ADCY2: variants seen among roughly 807,000 people sequenced by gnomAD.
ADCY2 encodes adenylate cyclase 2, also known as adenylate cyclase type 2.
A neutral mutation model predicts 125.2 loss-of-function variants in ADCY2; 31 were observed. The observed-to-expected ratio is 0.25, with a 90% CI of 0.19 to 0.33. The LOEUF (loss-of-function observed/expected upper bound fraction) is 0.33. Ranked by LOEUF, ADCY2 falls within the 10% of genes least tolerant of loss-of-function variation. ADCY2 has a pLI of 1.00. For missense variants in ADCY2, 904 were observed against 1,418.2 expected (o/e 0.64, Z 5.82); for synonymous variants, 512 against 548.4 (o/e 0.93, Z 0.93).
intron 3 of ADCY2, among the ~76,000 whole-genome samples, chr5:7,611,594 G>A (rs1247537620): frequency 6.6e-6 from 1 of 152,014 alleles, no homozygotes; most frequent in African/African-American, 2.4e-5. Flanking sequence ...TTTATTTCTG[G>A]CTTGTAATAC....
At chr5:7,599,066 TAGGGACAGCCA>T (rs1737110325) in intron 3 of ADCY2, among the ~76,000 whole-genome samples, 1 of 152,096 alleles carries the variant, frequency 6.6e-6, no homozygotes, top group Non-Finnish European at 1.5e-5. Flanking sequence ...TGGATTTGTG[TAGGGACAGCCA>T]AGGGGCAGGT....
Position 7,448,283 on chromosome 5 carries a change from G to A in ADCY2, c.408+33513G>A, listed in dbSNP as rs1412647131. 2.0e-5 allele frequency among the ~76,000 whole-genome samples: 3 copies of A among 152,178 alleles called. No homozygotes were observed. The East Asian group carries it at 5.8e-4, about 29-fold the overall frequency. ...AGGAGAATACATTAAAGATGCAGAA[G>A]GGTCTCTGAAGAATGTCGTGTGCCA... On this transcript the variant is annotated intron_variant, in intron 2 of 24. Transcript: ENST00000338316.
At chr5:7,514,437 G>A (rs1470618131) in intron 2 of ADCY2, among the ~76,000 whole-genome samples, 1 of 152,162 alleles carries the variant, frequency 6.6e-6, no homozygotes, top group Non-Finnish European at 1.5e-5. Context: ...ATAGACACTT[G>A]CCTTTCATGT....
chr5:7,560,529 G>A (rs1213068802), intron 3 of ADCY2, among the ~76,000 whole-genome samples: 2 of 151,864 alleles, frequency 1.3e-5, no homozygotes, highest in East Asian at 3.9e-4. Flanking sequence ...TTTTTTAATA[G>A]TGTTGACCCT....
intron 23 of ADCY2, 142 bp from the exon 24 acceptor site, chr5:7,820,423 G>A (rs1320497832): frequency 9.9e-7 from 1 of 1,005,510 alleles, no homozygotes; most frequent in African/African-American, 1.6e-5. Flanking sequence ...GAGCCTGGGA[G>A]GTGAAGGTTG....
chr5:7,536,643 AC>A (rs961265691), intron 3 of ADCY2, among the ~76,000 whole-genome samples: 7 of 151,992 alleles, frequency 4.6e-5, no homozygotes, highest in African/African-American at 9.7e-5. Context: ...GTATATCAAA[AC>A]CCATTCTAGA....
intron 3 of ADCY2, among the ~76,000 whole-genome samples, chr5:7,529,510 T>C (rs1054138453): frequency 7.9e-5 from 12 of 152,192 alleles, no homozygotes; most frequent in Non-Finnish European, 1.6e-4. Flanking sequence ...CTGGGCTAGT[T>C]ATTTTTGAAA....
At chr5:7,686,672 T>A (rs1030294281) in intron 4 of ADCY2, among the ~76,000 whole-genome samples, 2 of 152,342 alleles carry the variant, frequency 1.3e-5, no homozygotes, top group East Asian at 3.9e-4. Context: ...TTATACCCAG[T>A]ATATTAAGCA....
At chr5:7,786,954 A>G (rs1395408459) in intron 19 of ADCY2, among the ~76,000 whole-genome samples, 1 of 152,164 alleles carries the variant, frequency 6.6e-6, no homozygotes, top group Admixed American at 6.5e-5. Context: ...GCTGTGCTAG[A>G]TGAGAGCCCC....
chr5:7,567,768 C>T (rs561302077), intron 3 of ADCY2, among the ~76,000 whole-genome samples: 139 of 152,174 alleles, frequency 9.1e-4, no homozygotes, highest in African/African-American at 2.6e-3. Flanking sequence ...GCCTCATTTC[C>T]GTATTTATTC....
chr5:7,496,701 C>T (rs1010315580), intron 2 of ADCY2, among the ~76,000 whole-genome samples: 7 of 152,010 alleles, frequency 4.6e-5, no homozygotes, highest in Admixed American at 1.3e-4. Flanking sequence ...TCCTGATAAA[C>T]GAGAGACTCA....
intron 1 of ADCY2, among the ~76,000 whole-genome samples, chr5:7,397,444 A>C (rs1031575237): frequency 1.3e-4 from 8 of 63,840 alleles, no homozygotes; most frequent in African/African-American, 5.3e-4. Context: ...TCCACCAGTG[A>C]GTTTTTTTTT....
chr5:7,705,090 C>T (rs373098438), intron 7 of ADCY2, among the ~76,000 whole-genome samples: 22 of 152,084 alleles, frequency 1.4e-4, no homozygotes, highest in South Asian at 2.1e-4. Flanking sequence ...TAAACAGAAA[C>T]GCCACGTGGT....
At chr5:7,512,745 A>G (rs984575091) in intron 2 of ADCY2, among the ~76,000 whole-genome samples, 1 of 152,218 alleles carries the variant, frequency 6.6e-6, no homozygotes, top group Non-Finnish European at 1.5e-5. Context: ...GTTCGACCTT[A>G]GAGCTGAGCC....
At chr5:7,434,583 A>G (rs920613707) in intron 2 of ADCY2, among the ~76,000 whole-genome samples, 4 of 152,342 alleles carry the variant, frequency 2.6e-5, no homozygotes, top group Non-Finnish European at 4.4e-5. Flanking sequence ...TATAAACTCC[A>G]CATGCTCTTA....
chr5:7,631,206 T>C (rs1217319142), intron 4 of ADCY2, among the ~76,000 whole-genome samples: 1 of 152,222 alleles, frequency 6.6e-6, no homozygotes, highest in Non-Finnish European at 1.5e-5. Flanking sequence ...TAATCCAAGA[T>C]AAACTCACCA....
At chr5:7,657,557 A>G (rs979546661) in intron 4 of ADCY2, among the ~76,000 whole-genome samples, 1 of 152,140 alleles carries the variant, frequency 6.6e-6, no homozygotes, top group African/African-American at 2.4e-5. Flanking sequence ...GCCCCACACC[A>G]TCTCCCTGCC....
chr5:7,421,827 G>T (rs1050559160), intron 2 of ADCY2, among the ~76,000 whole-genome samples: 1 of 152,132 alleles, frequency 6.6e-6, no homozygotes, highest in Admixed American at 6.5e-5. Context: ...TTATCAGGTT[G>T]GTGCAAAAGT....
intron 15 of ADCY2, among the ~76,000 whole-genome samples, chr5:7,755,859 A>T (rs1054856015): frequency 6.6e-6 from 1 of 152,248 alleles, no homozygotes; most frequent in Non-Finnish European, 1.5e-5. Context: ...AAGATGTGAA[A>T]GAAGTAGAGA....
Sources: gnomAD v4.1 joint callset for allele counts (sites outside exome capture counted in the v4.1 genomes callset) on GRCh38, gnomAD v4.1.1 for gene constraint, MANE v1.5 for transcripts, NCBI Gene and HGNC (gene_info 2026-07-23, HGNC 2026-07-21) for gene names.